Variants in ALDH1A2 observed in about 807,000 individuals in gnomAD.
The protein encoded by ALDH1A2 is aldehyde dehydrogenase 1 family member A2, also known as retinal dehydrogenase 2.
A neutral mutation model predicts 60.3 loss-of-function variants in ALDH1A2; 27 were observed. That is an observed-to-expected ratio of 0.45 (90% CI 0.33 to 0.62). ALDH1A2 has a LOEUF of 0.62. Among genes scored for constraint, ALDH1A2 ranks in the 20% least tolerant of loss-of-function variants. The pLI is 0.02. For synonymous variants in ALDH1A2, 289 were observed against 232.4 expected, an observed-to-expected ratio of 1.24 and a Z score of -2.21; for missense variants, 581 against 643.8, an observed-to-expected ratio of 0.90 and a Z score of 1.06.
chr15:58,064,252 T>G (rs1012882999), intron 1 of ALDH1A2, among the ~76,000 whole-genome samples: 35 of 152,208 alleles, frequency 2.3e-4, no homozygotes, highest in African/African-American at 8.2e-4. Context: ...AAACAATGCC[T>G]AAAAGGTTAT....
chr15:57,964,048 G>C lies in ALDH1A2; in HGVS notation c.923C>G (p.Ala308Gly). Residue 308 changes from alanine (A) to glycine (G), a missense_variant, in exon 9 of 13, where the codon GCC (alanine) becomes GGC (glycine). Physicochemically the swap from Ala to Gly is moderately conservative, Grantham distance 60. Coordinates refer to ENST00000249750, the MANE Select transcript of ALDH1A2 (RefSeq NM_003888.4). ...TTGATTGAAGAACACACCCTGGTGG[G>C]CCTGCTCCACAGCATAGTCCACTAC... The part of the protein sequence containing the change: ...DADLDYAVEQ[A>G]HQGVFFNQGQ... 9 of 1,614,102 alleles carry C rather than the reference G, an allele frequency of 5.6e-6. No homozygotes were observed. Among genetic ancestry groups the C allele is most frequent in the Non-Finnish European group, 7.6e-6 (9 of 1,180,006 alleles).
intron 5 of ALDH1A2, 70 bp from the exon 6 acceptor site, chr15:57,993,143 C>T: frequency 1.9e-6 from 3 of 1,574,336 alleles, no homozygotes; most frequent in Non-Finnish European, 2.6e-6. Flanking sequence ...CAAGCTGTGA[C>T]TTCTCATATT....
In ALDH1A2 at chr15:57,972,643, C is replaced by T. The variant is rs1482574126; in HGVS notation, c.799-6816G>A. Reference sequence around the variant, plus strand: ...TCTCATCCAGCAGGCAGAGACTATACCATACTTATTCTTCAGTCTTCAAGT... The same window carrying T: ...TCTCATCCAGCAGGCAGAGACTATATCATACTTATTCTTCAGTCTTCAAGT... On this transcript the variant is annotated intron_variant, in intron 7 of 12. Coordinates refer to ENST00000249750, the MANE Select transcript of ALDH1A2 (RefSeq NM_003888.4). 2.0e-5 allele frequency among the ~76,000 whole-genome samples: 3 copies of T among 152,158 alleles called. No individual in the cohort carries two copies. In the South Asian group the frequency reaches 6.2e-4, roughly 32 times the overall value.
intron 12 of ALDH1A2, among the ~76,000 whole-genome samples, chr15:57,958,979 T>C (rs898755402): frequency 3.9e-5 from 6 of 152,106 alleles, no homozygotes; most frequent in Non-Finnish European, 5.9e-5. Flanking sequence ...TTGAGCACTG[T>C]TATATGAGGT....
At position 57,963,997 on chromosome 15, in the gene ALDH1A2, C is replaced by T. The variant is rs1236415698; in HGVS notation, c.974G>A (p.Arg325His). 2 of 1,614,196 alleles carry T rather than the reference C, an allele frequency of 1.2e-6. No individual in the cohort carries two copies. The highest frequency in any genetic ancestry group is 2.2e-5 in the East Asian group (1 of 44,874). ...ATAGATGGACTCCTCCACGAAGATGCGAGAGCCTGCAGTGCAGCACTGACC... is the reference window on the plus strand; with the variant it reads ...ATAGATGGACTCCTCCACGAAGATGTGAGAGCCTGCAGTGCAGCACTGACC... ...NQGQCCTAGS[R>H]IFVEESIYEE... Residue 325 changes from arginine to histidine, a missense_variant, in exon 9 of 13, where the codon CGC becomes CAC. Physicochemically the swap from Arg to His is conservative, Grantham distance 29. Around this residue, in one of 2 missense-constraint regions of ALDH1A2, gnomAD observed 375 missense variants for 469.7 expected, o/e 0.80. Transcript: ENST00000249750.
chr15:58,026,322 A>T (rs1259910183), intron 1 of ALDH1A2, among the ~76,000 whole-genome samples: 3 of 152,212 alleles, frequency 2.0e-5, no homozygotes, highest in Admixed American at 1.3e-4. Context: ...AGAATGAAGG[A>T]CCAAAACCAT....
chr15:57,972,252 GCTCTTCTCCCTC>G (rs1426251819), intron 7 of ALDH1A2, among the ~76,000 whole-genome samples: 2 of 152,172 alleles, frequency 1.3e-5, no homozygotes, highest in Non-Finnish European at 2.9e-5. Context: ...CAAGCCTCAG[GCTCTTCTCCCTC>G]CTCTTCTCCA....
intron 4 of ALDH1A2, among the ~76,000 whole-genome samples, chr15:58,001,553 T>C (rs918063813): frequency 6.6e-6 from 1 of 151,890 alleles, no homozygotes; most frequent in Non-Finnish European, 1.5e-5. Flanking sequence ...GAGACAGTGT[T>C]AATTCTCCCT....
At chr15:58,012,374 T>C (rs1895658071) in intron 3 of ALDH1A2, among the ~76,000 whole-genome samples, 1 of 147,194 alleles carries the variant, frequency 6.8e-6, no homozygotes, top group Non-Finnish European at 1.5e-5. Context: ...AAAGGTAAAA[T>C]ACAAGTTTAA....
At chr15:58,062,724 T>C (rs1308555009) in intron 1 of ALDH1A2, among the ~76,000 whole-genome samples, 1 of 152,180 alleles carries the variant, frequency 6.6e-6, no homozygotes, top group East Asian at 1.9e-4. Context: ...TCATAAGGGA[T>C]CACTTTTAAA....
chr15:58,006,149 A>G (rs1283879479), intron 4 of ALDH1A2, among the ~76,000 whole-genome samples: 2 of 151,762 alleles, frequency 1.3e-5, no homozygotes, highest in African/African-American at 4.8e-5. Context: ...ACTGTACCCA[A>G]TATGTAGTCT....
Position 57,995,066 on chromosome 15 carries a change from A to G in ALDH1A2, c.555+12T>C, listed in dbSNP as rs1404062195. 2 of 1,606,638 alleles carry G rather than the reference A, an allele frequency of 1.2e-6. No homozygotes were observed. The highest frequency in any genetic ancestry group is 1.7e-6 in the Non-Finnish European group (2 of 1,173,488). On this transcript the variant is annotated intron_variant, in intron 5 of 12. Transcript: ENST00000249750. ...ATGAAAATAAATACGAGGTGCGAGG[A>G]AATACACTCACTGGGATGATCTGTC...
At chr15:58,003,659 G>C (rs745377426) in intron 4 of ALDH1A2, among the ~76,000 whole-genome samples, 1 of 151,830 alleles carries the variant, frequency 6.6e-6, no homozygotes, top group Non-Finnish European at 1.5e-5. Flanking sequence ...TTCTCCCTAA[G>C]TAAATGAAAA....
chr15:58,018,242 G>A (rs1895836264), intron 1 of ALDH1A2, among the ~76,000 whole-genome samples: 1 of 151,732 alleles, frequency 6.6e-6, no homozygotes, highest in Non-Finnish European at 1.5e-5. Flanking sequence ...GGACAATACT[G>A]GAATAATTTA....
chr15:57,997,416 T>C (rs1895099911), intron 4 of ALDH1A2, among the ~76,000 whole-genome samples: 1 of 151,976 alleles, frequency 6.6e-6, no homozygotes, highest in South Asian at 2.1e-4. Flanking sequence ...TGGGTTCAGG[T>C]GGATAGTCAC....
At position 58,065,686 on chromosome 15, in the gene ALDH1A2, G is replaced by A. The variant is rs1331798447; in HGVS notation, c.-36C>T. The A allele has an allele frequency of 6.9e-7, 1 of 1,441,922 alleles. No individual in the cohort carries two copies. Among genetic ancestry groups the A allele is most frequent in the Non-Finnish European group, 9.4e-7 (1 of 1,069,430 alleles). The allele number at this position is 1,441,922 out of a possible 1,614,324, so 89.3% of individuals were successfully genotyped here. A position where few individuals can be genotyped will look rare whatever the true frequency, so the allele number is the denominator to read the frequency against. On this transcript the variant is annotated 5_prime_UTR_variant, in exon 1 of 13. Coordinates refer to ENST00000249750, the MANE Select transcript of ALDH1A2 (RefSeq NM_003888.4). ...CGGGTGTCCCTAGCCCGCGGCGTGGGGCAGTGCGGGCTGTGCGCGCGGTCC... is the reference window on the plus strand; with the variant it reads ...CGGGTGTCCCTAGCCCGCGGCGTGGAGCAGTGCGGGCTGTGCGCGCGGTCC...
chr15:57,957,614 A>C (rs1331592538), intron 12 of ALDH1A2, among the ~76,000 whole-genome samples: 3 of 152,200 alleles, frequency 2.0e-5, no homozygotes, highest in African/African-American at 7.2e-5. Flanking sequence ...CTGTGTGGTT[A>C]CCTTCACATC....
intron 7 of ALDH1A2, chr15:57,979,682 GGA>G (rs779060935): frequency 2.6e-5 from 6 of 227,296 alleles, no homozygotes; most frequent in Non-Finnish European, 4.8e-5. Context: ...ACCCAGAAAG[GGA>G]GATAATGTGG....
intron 12 of ALDH1A2, among the ~76,000 whole-genome samples, chr15:57,957,081 G>C (rs1180061754): frequency 6.6e-6 from 1 of 152,138 alleles, no homozygotes; most frequent in East Asian, 1.9e-4. Flanking sequence ...TCTGTGCCCA[G>C]GACATGAAGG....
Sources: gnomAD v4.1 joint callset for allele counts (sites outside exome capture counted in the v4.1 genomes callset) on GRCh38, gnomAD v4.1.1 for gene constraint, gnomAD v4.1.1 regional missense constraint, MANE v1.5 for transcripts, NCBI Gene and HGNC (gene_info 2026-07-23, HGNC 2026-07-21) for gene names.